The following AGBL4 variants were observed in gnomAD, a reference collection of about 807,000 sequenced individuals.
AGBL4 encodes cytosolic carboxypeptidase 6.
In AGBL4, 58 loss-of-function variants were observed where a neutral mutation model predicts 66.4. The ratio of observed to expected loss-of-function variants is 0.87; its 90% CI spans 0.71 to 1.09. The LOEUF is 1.09. Among genes scored for constraint, AGBL4 ranks in the 50% least tolerant of loss-of-function variants. AGBL4 has a pLI of 0.00. For synonymous variants in AGBL4, 234 were observed against 222.9 expected (o/e 1.05, Z -0.44); for missense variants, 579 against 631.0 (o/e 0.92, Z 0.88).
At chr1:49,250,440 ATTTTTT>A (rs1242148895) in intron 3 of AGBL4, among the ~76,000 whole-genome samples, 4 of 122,714 alleles carry the variant, frequency 3.3e-5, no homozygotes, top group Non-Finnish European at 5.0e-5. Flanking sequence ...ACAGGAACTA[ATTTTTT>A]TTTTTTTTTT....
chr1:49,248,809 T>G (rs557284309), intron 3 of AGBL4, among the ~76,000 whole-genome samples: 4 of 152,286 alleles, frequency 2.6e-5, no homozygotes, highest in African/African-American at 9.6e-5. Flanking sequence ...AGCCAGATCT[T>G]TTGGTACATT....
chr1:49,490,095 G>C (rs1647157663), intron 3 of AGBL4, among the ~76,000 whole-genome samples: 1 of 151,758 alleles, frequency 6.6e-6, no homozygotes. Flanking sequence ...GTGGCAGCAG[G>C]CATCTTTGCC....
intron 3 of AGBL4, among the ~76,000 whole-genome samples, chr1:49,613,367 A>C (rs1645189080): frequency 6.6e-6 from 1 of 152,038 alleles, no homozygotes; most frequent in African/African-American, 2.4e-5. Context: ...CACATGTATC[A>C]CCTAAACCAG....
intron 3 of AGBL4, among the ~76,000 whole-genome samples, chr1:49,583,258 C>T (rs1644580364): frequency 6.6e-6 from 1 of 152,128 alleles, no homozygotes; most frequent in Non-Finnish European, 1.5e-5. Context: ...GTGAACATAT[C>T]CACATACTAA....
intron 1 of AGBL4, among the ~76,000 whole-genome samples, chr1:49,934,234 T>C (rs1039584655): frequency 2.0e-5 from 3 of 152,124 alleles, no homozygotes; most frequent in African/African-American, 7.2e-5. Context: ...AATGCAGCAG[T>C]GTCAAAAACA....
intron 3 of AGBL4, among the ~76,000 whole-genome samples, chr1:49,309,363 CAAGACCAAA>C (rs1644904969): frequency 6.6e-6 from 1 of 152,078 alleles, no homozygotes; most frequent in Admixed American, 6.6e-5. Context: ...GATGTACCCT[CAAGACCAAA>C]ATATGCTGAT....
At chr1:49,253,273 C>T (rs1652213960) in intron 3 of AGBL4, among the ~76,000 whole-genome samples, 2 of 152,058 alleles carry the variant, frequency 1.3e-5, no homozygotes, top group Admixed American at 1.3e-4. Context: ...TCTGAAAAAA[C>T]AGACTTTAAA....
At chr1:48,591,091 C>CCG (rs1644911197) in intron 9 of AGBL4, 106 bp from the exon 10 acceptor site, 1 of 547,692 alleles carries the variant, frequency 1.8e-6, no homozygotes. Context: ...CACCCACCCA[C>CCG]CCCCCCCCAC....
intron 4 of AGBL4, among the ~76,000 whole-genome samples, chr1:49,051,410 G>A (rs770372326): frequency 1.3e-5 from 2 of 152,076 alleles, no homozygotes; most frequent in Non-Finnish European, 2.9e-5. Context: ...ATCCAACAAC[G>A]GCAGTTATAG....
intron 5 of AGBL4, among the ~76,000 whole-genome samples, chr1:49,044,096 T>G (rs1255413030): frequency 6.6e-6 from 1 of 152,214 alleles, no homozygotes; most frequent in Non-Finnish European, 1.5e-5. Context: ...TAGCACCTGC[T>G]TATTCTTTAT....
chr1:49,854,288 A>G (rs542765017), intron 1 of AGBL4, among the ~76,000 whole-genome samples: 1 of 152,110 alleles, frequency 6.6e-6, no homozygotes, highest in East Asian at 2.0e-4. Flanking sequence ...TCAGCAGGGA[A>G]GTGACAGGGA....
rs142479309 is a variant in AGBL4 at position 49,750,235 on chromosome 1, A to C, written c.158-52798T>G. ...AGGCTTTTTATGGTTTTAGGTCTTA[A>C]ATTTAAATCTTTAATCATCTTGAGT... On this transcript the variant is annotated intron_variant, in intron 2 of 13. Transcript: ENST00000371839. Among the ~76,000 whole-genome samples the C allele has an allele frequency of 3.3e-5, 5 of 152,104 alleles. No individual in the cohort carries two copies. In the East Asian group the frequency reaches 7.7e-4, roughly 24 times the overall value.
chr1:49,239,616 C>T (rs182968545), intron 4 of AGBL4, among the ~76,000 whole-genome samples: 5 of 151,788 alleles, frequency 3.3e-5, no homozygotes, highest in South Asian at 2.1e-4. Flanking sequence ...TAGCTGTTTC[C>T]GTGTTAAAAT....
chr1:48,636,871 G>A (rs897187431), intron 8 of AGBL4, among the ~76,000 whole-genome samples: 1 of 152,200 alleles, frequency 6.6e-6, no homozygotes, highest in African/African-American at 2.4e-5. Context: ...TTTTGAGAAT[G>A]TATAAGTAAA....
chr1:49,661,722 C>T (rs577449341), intron 3 of AGBL4, among the ~76,000 whole-genome samples: 1 of 152,190 alleles, frequency 6.6e-6, no homozygotes, highest in South Asian at 2.1e-4. Context: ...AGCCGTTGTA[C>T]ACTGTTGGTG....
rs116434460 is a variant in AGBL4 at position 49,983,611 on chromosome 1, G to C, written c.34+40152C>G. On this transcript the variant is annotated intron_variant, in intron 1 of 13. Coordinates refer to ENST00000371839, the MANE Select transcript of AGBL4 (RefSeq NM_032785.4). ...AGGCAAAGGTGCCATTGGCTACAGAGGTTTCCAGCTGGCAAAGCAACACCC... is the reference window on the plus strand; with the variant it reads ...AGGCAAAGGTGCCATTGGCTACAGACGTTTCCAGCTGGCAAAGCAACACCC... Among the ~76,000 whole-genome samples, 801 of 152,350 alleles carry C rather than the reference G, an allele frequency of 5.3e-3. 8 individuals are homozygous for C. Among genetic ancestry groups the C allele is most frequent in the Non-Finnish European group, 6.6e-3 (447 of 68,042 alleles).
intron 11 of AGBL4, among the ~76,000 whole-genome samples, chr1:48,548,752 A>G (rs1557777884): frequency 6.6e-6 from 1 of 151,840 alleles, no homozygotes; most frequent in Non-Finnish European, 1.5e-5. Context: ...ACAATAACCC[A>G]CTTCTCCTTT....
chr1:49,466,862 C>T (rs956567911), intron 3 of AGBL4, among the ~76,000 whole-genome samples: 8 of 151,796 alleles, frequency 5.3e-5, no homozygotes, highest in Non-Finnish European at 1.0e-4. Flanking sequence ...TTGGCATGCA[C>T]ACCCTTGTGA....
At chr1:49,013,236 C>G (rs1281209396) in intron 5 of AGBL4, among the ~76,000 whole-genome samples, 2 of 152,352 alleles carry the variant, frequency 1.3e-5, no homozygotes. Context: ...ATATTTGTGG[C>G]AATATGACTT....
Sources: allele counts gnomAD v4.1 joint callset (sites outside exome capture counted in the v4.1 genomes callset), GRCh38; gene constraint gnomAD v4.1.1; transcripts MANE v1.5; gene names NCBI Gene and HGNC (gene_info 2026-07-23, HGNC 2026-07-21).